Variants in METTL21A observed in about 807,000 individuals in gnomAD.
METTL21A encodes the protein protein N-lysine methyltransferase METTL21A.
Under a neutral mutation model 20.9 loss-of-function variants are expected in METTL21A, and 22 were observed. The ratio of observed to expected loss-of-function variants is 1.05; its 90% CI spans 0.75 to 1.50. The LOEUF (loss-of-function observed/expected upper bound fraction) is 1.50, where lower values mean the gene tolerates loss of function less well. Among genes scored for constraint, METTL21A ranks in the 40% most tolerant of loss-of-function variants. The pLI is 0.00. For synonymous variants in METTL21A, 93 were observed against 102.0 expected, an observed-to-expected ratio of 0.91 and a Z score of 0.53; for missense variants, 271 against 266.8, an observed-to-expected ratio of 1.02 and a Z score of -0.11.
At chr2:207,609,358 T>C (rs985349359), downstream of METTL21A, 3 of 152,242 alleles carry the variant, frequency 2.0e-5, no homozygotes, top group Non-Finnish European at 4.4e-5. Context: ...CATGTGTGTG[T>C]GTGAGATGTC....
chr2:207,596,443 G>C (rs1553511761), intron 3 of METTL21A, among the ~76,000 whole-genome samples: 1 of 150,578 alleles, frequency 6.6e-6, no homozygotes, highest in Non-Finnish European at 1.5e-5. Context: ...TTTTTTGTTT[G>C]TTTCTTTGAG....
chr2:207,599,943 T>C (rs1166242196), intron 3 of METTL21A: 6 of 193,114 alleles, frequency 3.1e-5, no homozygotes, highest in Admixed American at 6.1e-5. Flanking sequence ...TTTGCAAATA[T>C]AGGGCCATGT....
At chr2:207,615,355 C>T (rs946243219) in intron 3 of METTL21A, among the ~76,000 whole-genome samples, 2 of 151,918 alleles carry the variant, frequency 1.3e-5, no homozygotes, top group Admixed American at 6.6e-5. Context: ...ATTCAGGAGG[C>T]TGAGGTGGGA....
intron 3 of METTL21A, among the ~76,000 whole-genome samples, chr2:207,585,643 G>T (rs144847076): frequency 1.9e-4 from 29 of 152,214 alleles, no homozygotes; most frequent in African/African-American, 6.5e-4. Context: ...AGAAAACTCA[G>T]CAAGAAACAA....
downstream of METTL21A, among the ~76,000 whole-genome samples, chr2:207,607,440 C>T (rs945457414): frequency 4.0e-5 from 6 of 151,650 alleles, no homozygotes; most frequent in African/African-American, 1.5e-4. Context: ...TGGATATATG[C>T]TATCATCCTT....
chr2:207,582,894 AAAACAAACAAAC>A (rs200290994), intron 3 of METTL21A: 1 of 296,344 alleles, frequency 3.4e-6, no homozygotes, highest in African/African-American at 2.4e-5. Flanking sequence ...CTGTCTCAAA[AAAACAAACAAAC>A]AAACAAAAAA....
intron 3 of METTL21A, 121 bp downstream of exon 3, chr2:207,621,685 G>C: frequency 1.2e-6 from 1 of 840,752 alleles, no homozygotes; most frequent in Non-Finnish European, 2.0e-6. Flanking sequence ...CAACTCATAA[G>C]TATAAGCAAA....
At chr2:207,589,508 A>G (rs960699352) in intron 3 of METTL21A, among the ~76,000 whole-genome samples, 1 of 152,244 alleles carries the variant, frequency 6.6e-6, no homozygotes, top group African/African-American at 2.4e-5. Flanking sequence ...CCCCTTTGCC[A>G]TATAAGGTAA....
At chr2:207,586,649 C>G (rs889345608) in intron 3 of METTL21A, among the ~76,000 whole-genome samples, 1 of 152,172 alleles carries the variant, frequency 6.6e-6, no homozygotes, top group African/African-American at 2.4e-5. Flanking sequence ...TATTTACAAA[C>G]TGTTCATCTG....
At chr2:207,589,716 C>CA (rs1021904848) in intron 3 of METTL21A, among the ~76,000 whole-genome samples, 2 of 152,084 alleles carry the variant, frequency 1.3e-5, no homozygotes, top group Non-Finnish European at 2.9e-5. Context: ...CTGAGGTGAT[C>CA]GTGTTGTTTC....
Position 207,594,530 on chromosome 2 carries a change from C to T in METTL21A, c.260-12370G>A, listed in dbSNP as rs776917831. Among the ~76,000 whole-genome samples, 5 of 152,116 alleles carry T rather than the reference C, an allele frequency of 3.3e-5. 1 individual carries two copies. Among genetic ancestry groups the T allele is most frequent in the African/African-American group, 4.8e-5 (2 of 41,422 alleles). On this transcript the variant is annotated intron_variant, in intron 3 of 3. Transcript: ENST00000425132. ...GCATAATGCCCTCAAGGTTCATCTA[C>T]GTTTTGGCATGCAGAGGGCCTTCCT... is the stretch of plus-strand genomic sequence containing the variant.
chr2:207,600,575 T>C (rs1275959231), intron 3 of METTL21A: 2 of 211,890 alleles, frequency 9.4e-6, no homozygotes, highest in African/African-American at 4.5e-5. Flanking sequence ...GGTAAGAACA[T>C]TTTGAAGATA....
chr2:207,600,069 G>T, intron 3 of METTL21A: 1 of 187,138 alleles, frequency 5.3e-6, no homozygotes, highest in Non-Finnish European at 1.1e-5. Flanking sequence ...AAGTGGCTTA[G>T]AAAGGGCTAG....
intron 3 of METTL21A, among the ~76,000 whole-genome samples, chr2:207,585,222 C>G (rs1013575574): frequency 6.6e-6 from 1 of 152,200 alleles, no homozygotes; most frequent in Non-Finnish European, 1.5e-5. Context: ...ACCAGCCAAC[C>G]TGATGTCCCC....
chr2:207,625,254 C>T (rs1359184721), intron 1 of METTL21A: 1 of 152,182 alleles, frequency 6.6e-6, no homozygotes, highest in African/African-American at 2.4e-5. Context: ...CGCCGCCACG[C>T]CGGTACTTAC....
At chr2:207,612,857 T>C in exon 4 of METTL21A, 2 of 541,044 alleles carry the variant, frequency 3.7e-6, no homozygotes, top group Non-Finnish European at 6.3e-6. Flanking sequence ...CTGAGTAAAG[T>C]CTGACTAAAA....
chr2:207,593,057 T>C (rs1231486960), intron 3 of METTL21A, among the ~76,000 whole-genome samples: 3 of 152,240 alleles, frequency 2.0e-5, no homozygotes, highest in African/African-American at 7.2e-5. Context: ...TCAAGTTCAC[T>C]GATTGTTTCC....
chr2:207,585,857 G>A (rs1197350119), intron 3 of METTL21A, among the ~76,000 whole-genome samples: 2 of 152,066 alleles, frequency 1.3e-5, no homozygotes, highest in African/African-American at 4.8e-5. Context: ...AAAGGATGAA[G>A]AAAGCCTACA....
chr2:207,625,604 C>G (rs541947651), upstream of METTL21A: 1 of 152,412 alleles, frequency 6.6e-6, no homozygotes, highest in Non-Finnish European at 1.5e-5. Context: ...ATCGGGGTGC[C>G]GAACTGCCGC....
Sources: allele counts gnomAD v4.1 joint callset (sites outside exome capture counted in the v4.1 genomes callset), GRCh38; gene constraint gnomAD v4.1.1; transcripts MANE v1.5; gene names NCBI Gene and HGNC (gene_info 2026-07-23, HGNC 2026-07-21).